PANK2: variants seen among roughly 807,000 people sequenced by gnomAD.
PANK2 encodes pantothenate kinase 2, also known as pantothenate kinase 2, mitochondrial.
A neutral mutation model predicts 43.1 loss-of-function variants in PANK2; 36 were observed. The observed-to-expected ratio is 0.84, with a 90% CI of 0.64 to 1.10. The LOEUF is 1.10. PANK2 is among the 50% of genes least tolerant of loss of function. The pLI, the probability that PANK2 is intolerant of heterozygous loss-of-function variation, is 0.00. For synonymous variants in PANK2, 281 were observed against 238.2 expected (o/e 1.18, Z -1.66); for missense variants, 576 against 593.3 (o/e 0.97, Z 0.30).
chr20:3,889,978 C>G (rs1276397261), intron 1 of PANK2: 1 of 1,460,436 alleles, frequency 6.8e-7, no homozygotes, highest in Admixed American at 2.1e-5. Flanking sequence ...TCCCCAGGAC[C>G]TGTCCTCCCT....
chr20:3,905,227 G>A (rs1409414780), intron 1 of PANK2, among the ~76,000 whole-genome samples: 1 of 152,064 alleles, frequency 6.6e-6, no homozygotes, highest in East Asian at 1.9e-4. Context: ...CCTACGGCTT[G>A]GATAGAATAC....
At chr20:3,907,782 A>C in intron 1 of PANK2, 144 bp from the exon 2 acceptor site, 1 of 691,416 alleles carries the variant, frequency 1.4e-6, no homozygotes, top group Admixed American at 2.7e-5. Flanking sequence ...TCAAGACAGA[A>C]TCACATTTCT....
chr20:3,921,046 A>T (rs2090638221), intron 6 of PANK2, among the ~76,000 whole-genome samples: 1 of 151,800 alleles, frequency 6.6e-6, no homozygotes, highest in Middle Eastern at 3.2e-3. Flanking sequence ...TGGAACTTTG[A>T]TGATTATTTT....
intron 2 of PANK2, among the ~76,000 whole-genome samples, chr20:3,909,577 A>G (rs1021244889): frequency 5.3e-5 from 8 of 152,126 alleles, no homozygotes; most frequent in African/African-American, 1.7e-4. Flanking sequence ...ACTTCAGAAC[A>G]TAAAGATCCT....
chr20:3,890,490 T>G (rs1376349897), intron 1 of PANK2, among the ~76,000 whole-genome samples: 2 of 152,240 alleles, frequency 1.3e-5, no homozygotes, highest in African/African-American at 4.8e-5. Context: ...TTCTCCCCTT[T>G]ACAAGTCTTC....
chr20:3,926,278 T>C lies in PANK2; in HGVS notation c.*2984T>C, dbSNP rs1156658126. ...GGCAAAGCAAGGGGGATTTCATGAG[T>C]TCTAAGGTAGGGTGAGAAAAATAAC... On this transcript the variant is annotated 3_prime_UTR_variant, in exon 7 of 7. Coordinates refer to ENST00000610179, the MANE Select transcript of PANK2 (RefSeq NM_001386393.1). 1 of 152,070 alleles carries C rather than the reference T, an allele frequency of 6.6e-6. No homozygotes were observed. The highest frequency in any genetic ancestry group is 1.5e-5 in the Non-Finnish European group (1 of 68,086). The allele number at this position is 152,070 out of a possible 1,614,324, so 9.4% of individuals were successfully genotyped here. A position where few individuals can be genotyped will look rare whatever the true frequency, so the allele number is the denominator to read the frequency against.
chr20:3,912,597 G>A lies in PANK2; in HGVS notation c.1045G>A (p.Glu349Lys). 1 of 1,614,138 alleles carries A rather than the reference G, an allele frequency of 6.2e-7. No individual in the cohort carries two copies. The highest frequency in any genetic ancestry group is 1.1e-5 in the South Asian group (1 of 91,076). Residue 349 changes from glutamate (E) to lysine (K), a missense_variant, in exon 4 of 7, where the codon GAG (glutamate) becomes AAG (lysine). Glu to Lys is a moderately conservative substitution (Grantham distance 56, BLOSUM62 1). Around this residue, in one of 2 missense-constraint regions of PANK2, gnomAD observed 544 missense variants for 528.9 expected, o/e 1.03. Transcript: ENST00000610179. Reference sequence around the variant, plus strand: ...ACGAGATATTTATGGAGGGGACTATGAGAGGTTTGGACTGCCAGGCTGGGC... The same window carrying A: ...ACGAGATATTTATGGAGGGGACTATAAGAGGTTTGGACTGCCAGGCTGGGC...
chr20:3,917,617 G>A (rs749035247), intron 5 of PANK2: 6 of 486,822 alleles, frequency 1.2e-5, no homozygotes, highest in Non-Finnish European at 2.6e-5. Flanking sequence ...TCCAGTTGGT[G>A]CAGCTTATGG....
intron 1 of PANK2, among the ~76,000 whole-genome samples, chr20:3,903,728 A>G (rs1046416719): frequency 3.3e-5 from 5 of 150,796 alleles, no homozygotes; most frequent in African/African-American, 1.2e-4. Context: ...CCTGGGATCA[A>G]GCGATTCTGC....
In PANK2 at chr20:3,899,013, T is replaced by C. The variant is rs146679878; in HGVS notation, c.299-8913T>C. Among the ~76,000 whole-genome samples the C allele has an allele frequency of 9.1e-3, 1,376 of 151,838 alleles. 29 individuals are homozygous for C. The highest frequency in any genetic ancestry group is 0.032 in the African/African-American group (1,308 of 41,466). On this transcript the variant is annotated intron_variant, in intron 1 of 6. Transcript: ENST00000610179. ...CCTTAGCCTCCCGAGTAGCTGGAAT[T>C]ACAGGTGCCCACCACTGCACCTGGC...
chr20:3,888,991 C>A (rs2090059293), upstream of PANK2: 1 of 882,558 alleles, frequency 1.1e-6, no homozygotes, highest in East Asian at 2.7e-5. Context: ...AGGGCTCGAG[C>A]TGCGAGGACG....
intron 1 of PANK2, among the ~76,000 whole-genome samples, chr20:3,902,353 C>T (rs539672163): frequency 1.3e-4 from 19 of 151,546 alleles, no homozygotes; most frequent in African/African-American, 4.3e-4. Context: ...ATTTTTGAGA[C>T]GGAATCTCAC....
intron 1 of PANK2, among the ~76,000 whole-genome samples, chr20:3,891,563 G>C (rs540359321): frequency 6.6e-6 from 1 of 152,148 alleles, no homozygotes; most frequent in Non-Finnish European, 1.5e-5. Context: ...AATTATTTAC[G>C]TTCTGTTAGT....
intron 1 of PANK2, among the ~76,000 whole-genome samples, chr20:3,895,078 A>C (rs551938998): frequency 3.2e-4 from 48 of 152,218 alleles, no homozygotes; most frequent in Non-Finnish European, 4.7e-4. Flanking sequence ...CACGAGTTCA[A>C]GACCAGCTTG....
chr20:3,889,222 C>A (rs914951008), upstream of PANK2: 1 of 1,612,988 alleles, frequency 6.2e-7, no homozygotes, highest in African/African-American at 1.3e-5. Flanking sequence ...ACCACCCTCT[C>A]CCCGCCCCGT....
At chr20:3,901,010 T>C (rs1173578941) in intron 1 of PANK2, among the ~76,000 whole-genome samples, 2 of 151,852 alleles carry the variant, frequency 1.3e-5, no homozygotes, top group Non-Finnish European at 2.9e-5. Flanking sequence ...CCTCAAGTGA[T>C]CCACCTGCCT....
intron 4 of PANK2, among the ~76,000 whole-genome samples, chr20:3,913,792 T>TA (rs1568577269): frequency 0.3 from 33,475 of 110,010 alleles, 5,205 homozygotes; most frequent in Non-Finnish European, 0.38. Flanking sequence ...ATATATATAT[T>TA]TTTTTTTTTT....
intron 2 of PANK2, among the ~76,000 whole-genome samples, chr20:3,909,802 C>T (rs2090439986): frequency 6.6e-6 from 1 of 151,568 alleles, no homozygotes; most frequent in Admixed American, 6.6e-5. Context: ...CCATGTTGGC[C>T]AGGCTGATCT....
chr20:3,888,939 G>A (rs1411672519), upstream of PANK2: 2 of 595,750 alleles, frequency 3.4e-6, no homozygotes, highest in Non-Finnish European at 5.8e-6. Flanking sequence ...GTCTGCCGAC[G>A]ACCAGCGGCC....
Sources: gnomAD v4.1 joint callset for allele counts (sites outside exome capture counted in the v4.1 genomes callset) on GRCh38, gnomAD v4.1.1 for gene constraint, gnomAD v4.1.1 regional missense constraint, MANE v1.5 for transcripts, NCBI Gene and HGNC (gene_info 2026-07-23, HGNC 2026-07-21) for gene names.